Variants in SUPT20HL1 observed in about 807,000 individuals in gnomAD.
SUPT20HL1 encodes the protein transcription factor SPT20 homolog-like 1.
For synonymous variants in SUPT20HL1, 133 were observed against 79.2 expected (o/e 1.68, Z -3.61); for missense variants, 277 against 200.3 (o/e 1.38, Z -2.31).
rs761448853 is a variant in SUPT20HL1 at position 24,365,472 on chromosome X, C to G, written c.*48C>G. On this transcript the variant is annotated 3_prime_UTR_variant, in exon 1 of 1. Coordinates refer to ENST00000686983, the MANE Select transcript of SUPT20HL1 (RefSeq NM_001136234.3). ...TTTTAAAAGCACAGGAGCATTGACT[C>G]AAATGATTTCCCAGTTTTTACTTGA... The G allele has an allele frequency of 3.0e-6, 1 of 329,184 alleles. No homozygotes were observed. Among genetic ancestry groups the G allele is most frequent in the Non-Finnish European group, 6.0e-6 (1 of 166,349 alleles). The allele number at this position is 329,184 out of a possible 1,213,427, so 27.1% of individuals were successfully genotyped here.
Position 24,362,650 on chromosome X carries a change from G to A in SUPT20HL1, c.-111G>A, listed in dbSNP as rs1449473826. ...AGATGCCCACGTTGAACTCAGTGTG[G>A]ACTTGTGGCATCTTGCGGGCCTGTA... On this transcript the variant is annotated 5_prime_UTR_variant, in exon 1 of 1. The change creates a premature stop within an existing upstream ORF in the 5' untranslated region. Transcript: ENST00000686983. 1 of 363,179 alleles carries A rather than the reference G, an allele frequency of 2.8e-6. No homozygotes were observed. Among genetic ancestry groups the A allele is most frequent in the East Asian group, 7.7e-5 (1 of 13,050 alleles). 29.9% of individuals were successfully genotyped at this position (363,179 alleles called of 1,213,427 possible). A position where few individuals can be genotyped will look rare whatever the true frequency, so the allele number is the denominator to read the frequency against.
rs749572281 is a variant in SUPT20HL1, at chrX:24,364,601, A to T, written c.1841A>T (p.Glu614Val). 2.1e-5 allele frequency: 11 copies of T among 516,898 alleles called. No individual in the cohort carries two copies. The East Asian group carries it at 4.4e-4, about 21-fold the overall frequency. The allele number at this position is 516,898 out of a possible 1,213,427, so 42.6% of individuals were successfully genotyped here. ...GSTGLKAINV[E>V]GPVQGAQALG... ...ACTGGCCTAAAGGCCATCAATGTGG[A>T]GGGCCCAGTCCAGGGAGCCCAGGCT... Residue 614 changes from glutamate (E) to valine (V), a missense_variant, in exon 1 of 1, where the codon GAG becomes GTG. Glu to Val is a moderately radical substitution (Grantham distance 121). Transcript: ENST00000686983.
Position 24,363,317 on chromosome X carries a change from A to G in SUPT20HL1, c.557A>G (p.Gln186Arg). Residue 186 changes from glutamine (Q) to arginine (R), a missense_variant, in exon 1 of 1, where the codon CAG (glutamine) becomes CGG (arginine). Transcript: ENST00000686983. ...HDVKMMTRDG[Q>R]KWSQEDKLQL... ...GTGAAGATGATGACAAGAGATGGCC[A>G]GAAATGGAGCCAGGAAGACAAGCTT... The G allele has an allele frequency of 5.2e-6, 2 of 387,524 alleles. No homozygotes were observed. The highest frequency in any genetic ancestry group is 4.7e-5 in the South Asian group (2 of 42,879). The allele number at this position is 387,524 out of a possible 1,213,427, so 31.9% of individuals were successfully genotyped here. A position where few individuals can be genotyped will look rare whatever the true frequency, so the allele number is the denominator to read the frequency against.
chrX:24,364,300 G>GCTGCTGCTGCTGCTC lies in SUPT20HL1; in HGVS notation c.1551_1552insGCTCCTGCTGCTGCT (p.Ala517_Pro518insAlaProAlaAlaAla), dbSNP rs1569203558. ...TGCTGCTGCTGCTGCTGCTGCTGCTGCTGCTGCTGCTCCTGCTCCTGCTCT... is the reference window on the plus strand; with the variant it reads ...TGCTGCTGCTGCTGCTGCTGCTGCTGCTGCTGCTGCTGCTCCTGCTGCTGCTCCTGCTCCTGCTCT... On this transcript the variant is annotated inframe_insertion, in exon 1 of 1. Transcript: ENST00000686983. The GCTGCTGCTGCTGCTC allele has an allele frequency of 4.2e-6, 4 of 960,530 alleles. No individual in the cohort carries two copies. The East Asian group carries it at 1.0e-4, about 25-fold the overall frequency. The allele number at this position is 960,530 out of a possible 1,213,427, so 79.2% of individuals were successfully genotyped here.
chrX:24,364,400 C>T lies in SUPT20HL1; in HGVS notation c.1640C>T (p.Ala547Val), dbSNP rs1367338527. The T allele has an allele frequency of 8.4e-6, 5 of 597,114 alleles. No individual in the cohort carries two copies. The highest frequency in any genetic ancestry group is 2.3e-5 in the African/African-American group (1 of 43,574). 49.2% of individuals were successfully genotyped at this position (597,114 alleles called of 1,213,427 possible). A position where few individuals can be genotyped will look rare whatever the true frequency, so the allele number is the denominator to read the frequency against. Residue 547 changes from alanine to valine, a missense_variant, in exon 1 of 1, where the codon GCT becomes GTT. Coordinates refer to ENST00000686983, the MANE Select transcript of SUPT20HL1 (RefSeq NM_001136234.3). ...ALAAAAAPAP[A>V]PAAAPAVAAA... is the part of the protein sequence containing the mutation. The stretch of plus-strand genomic sequence containing the variant: ...GCTGCTGCTGCTGCTCCTGCTCCTG[C>T]TCCTGCCGCTGCTCCTGCTGTAGCT...
rs958273562 is a variant in SUPT20HL1 at position 24,362,434 on chromosome X, G to A, written c.-327G>A. Reference sequence around the variant, plus strand: ...GAAACCCTCAAACAGATTGGGTAGCGCTTCCCTGGGGGCAGGTTTCTGGGC... The same window carrying A: ...GAAACCCTCAAACAGATTGGGTAGCACTTCCCTGGGGGCAGGTTTCTGGGC... On this transcript the variant is annotated 5_prime_UTR_variant, in exon 1 of 1. Coordinates refer to ENST00000686983, the MANE Select transcript of SUPT20HL1 (RefSeq NM_001136234.3). Among the ~76,000 whole-genome samples the A allele has an allele frequency of 5.4e-5, 6 of 111,735 alleles. No individual in the cohort carries two copies. The highest frequency in any genetic ancestry group is 3.8e-4 in the South Asian group (1 of 2,621).
chrX:24,364,303 G>GCTGCTGCTGCTGCTGCTC lies in SUPT20HL1; in HGVS notation c.1551_1552insGCTGCTGCTCCTGCTGCT (p.Ala517_Pro518insAlaAlaAlaProAlaAla). The GCTGCTGCTGCTGCTGCTC allele has an allele frequency of 3.1e-6, 3 of 955,131 alleles. No homozygotes were observed. In the East Asian group the frequency reaches 1.0e-4, roughly 33 times the overall value. The allele number at this position is 955,131 out of a possible 1,213,427, so 78.7% of individuals were successfully genotyped here. ...TGCTGCTGCTGCTGCTGCTGCTGCT[G>GCTGCTGCTGCTGCTGCTC]CTGCTGCTCCTGCTCCTGCTCTAGC... On this transcript the variant is annotated inframe_insertion, in exon 1 of 1. Transcript: ENST00000686983.
chrX:24,362,697 T>G lies in SUPT20HL1; in HGVS notation c.-64T>G, dbSNP rs1288070939. On this transcript the variant is annotated 5_prime_UTR_variant, in exon 1 of 1. In the 5' UTR this introduces an upstream ATG that the reference lacks. Coordinates refer to ENST00000686983, the MANE Select transcript of SUPT20HL1 (RefSeq NM_001136234.3). ...TGTAGATTAATATGACAGCCGTGAT[T>G]CCACCCTGCTTCACCAACGCACATG... 1 of 341,032 alleles carries G rather than the reference T, an allele frequency of 2.9e-6. No individual in the cohort carries two copies. Among genetic ancestry groups the G allele is most frequent in the African/African-American group, 2.6e-5 (1 of 37,848 alleles). The allele number at this position is 341,032 out of a possible 1,213,427, so 28.1% of individuals were successfully genotyped here. A position where few individuals can be genotyped will look rare whatever the true frequency, so the allele number is the denominator to read the frequency against.
In SUPT20HL1 at chrX:24,364,973, C is replaced by A. The variant is rs1239507187; in HGVS notation, c.2213C>A (p.Ala738Asp). 1 of 385,656 alleles carries A rather than the reference C, an allele frequency of 2.6e-6. No homozygotes were observed. 31.8% of individuals were successfully genotyped at this position (385,656 alleles called of 1,213,427 possible). The change falls in exon 1 of 1, where the codon GCC becomes GAC. Residue 738 changes from alanine to aspartate, a missense_variant. Ala to Asp is a moderately radical substitution (Grantham distance 126). Transcript: ENST00000686983. The stretch of plus-strand genomic sequence containing the variant: ...CTAGGTTTGAGCACGCAAGGGCAGG[C>A]CTTCCCTGCTCAGCAACTTCTTAAG... ...SALGLSTQGQ[A>D]FPAQQLLKVN...
In SUPT20HL1 at chrX:24,365,983, A is replaced by C. The variant is rs908514477; in HGVS notation, c.*559A>C. Among the ~76,000 whole-genome samples, 1 of 111,572 alleles carries C rather than the reference A, an allele frequency of 9.0e-6. No homozygotes were observed. Among genetic ancestry groups the C allele is most frequent in the Non-Finnish European group, 1.9e-5 (1 of 53,140 alleles). On this transcript the variant is annotated 3_prime_UTR_variant, in exon 1 of 1. Coordinates refer to ENST00000686983, the MANE Select transcript of SUPT20HL1 (RefSeq NM_001136234.3). ...ACACTGAAACTCATGCCCATTGAAC[A>C]GCAGCTCCCCATTCTCCCTTGCCCA... is the stretch of plus-strand genomic sequence containing the variant.
chrX:24,362,324 T>C lies in SUPT20HL1; in HGVS notation c.-437T>C, dbSNP rs1439850195. ...ATAGACGGGGCCCAGGAGCTGACCCTGGCCCTCCCGTTCGCTTCCGGTGTA... is the reference window on the plus strand; with the variant it reads ...ATAGACGGGGCCCAGGAGCTGACCCCGGCCCTCCCGTTCGCTTCCGGTGTA... On this transcript the variant is annotated 5_prime_UTR_variant, in exon 1 of 1. Transcript: ENST00000686983. Among the ~76,000 whole-genome samples the C allele has an allele frequency of 8.9e-6, 1 of 112,295 alleles. No individual in the cohort carries two copies. Among genetic ancestry groups the C allele is most frequent in the Admixed American group, 9.3e-5 (1 of 10,705 alleles).
rs1005209290 is a variant in SUPT20HL1 at position 24,367,640 on chromosome X, G to T, written c.*2216G>T. Among the ~76,000 whole-genome samples the T allele has an allele frequency of 8.9e-6, 1 of 112,331 alleles. No homozygotes were observed. The highest frequency in any genetic ancestry group is 1.9e-5 in the Non-Finnish European group (1 of 53,243). On this transcript the variant is annotated 3_prime_UTR_variant, in exon 1 of 1. Coordinates refer to ENST00000686983, the MANE Select transcript of SUPT20HL1 (RefSeq NM_001136234.3). ...AAGAAGCGAACCAGTGCAACGACTG[G>T]TTGCAAAGAAGAGTTTCTCCTTAGC...
In SUPT20HL1 at chrX:24,365,496, G is replaced by A; in HGVS notation, c.*72G>A. 1 of 313,622 alleles carries A rather than the reference G, an allele frequency of 3.2e-6. No individual in the cohort carries two copies. Among genetic ancestry groups the A allele is most frequent in the East Asian group, 7.9e-5 (1 of 12,613 alleles). The allele number at this position is 313,622 out of a possible 1,213,427, so 25.8% of individuals were successfully genotyped here. ...TCAAATGATTTCCCAGTTTTTACTT[G>A]AGTTTTGTTTTTTTTTTCATGTTTC... On this transcript the variant is annotated 3_prime_UTR_variant, in exon 1 of 1. Transcript: ENST00000686983.
rs2148149297 is a variant in SUPT20HL1, at chrX:24,362,024, A to G, written c.-737A>G. Among the ~76,000 whole-genome samples the G allele has an allele frequency of 8.9e-6, 1 of 112,523 alleles. No individual in the cohort carries two copies. The highest frequency in any genetic ancestry group is 3.7e-4 in the South Asian group (1 of 2,705). ...GGCAAGAGATTCCAAAAGTGCCAAC[A>G]ATTGTTGAAGTTTCCACCAAGATCA... is the stretch of plus-strand genomic sequence containing the variant. On this transcript the variant is annotated 5_prime_UTR_variant, in exon 1 of 1. Transcript: ENST00000686983.
In SUPT20HL1 at chrX:24,365,570, T is replaced by C; in HGVS notation, c.*146T>C. On this transcript the variant is annotated 3_prime_UTR_variant, in exon 1 of 1. Transcript: ENST00000686983. ...CAGTTTACACAGAAGCACAATCCAC[T>C]GATTTTTCTTTAGAAACGGAAGTGA... The C allele has an allele frequency of 4.1e-6, 1 of 246,501 alleles. No individual in the cohort carries two copies. The highest frequency in any genetic ancestry group is 7.9e-6 in the Non-Finnish European group (1 of 127,039). The allele number at this position is 246,501 out of a possible 1,213,427, so 20.3% of individuals were successfully genotyped here. A position where few individuals can be genotyped will look rare whatever the true frequency, so the allele number is the denominator to read the frequency against.
rs189870903 is a variant in SUPT20HL1, at chrX:24,361,016, G to A, written c.-1745G>A. ...TGTCCTCAGTCTATGAGAAAGAAAA[G>A]TGGATGAATAAATACCCCAGCTTCC... On this transcript the variant is annotated 5_prime_UTR_variant, in exon 1 of 1. The change creates a new upstream start codon in the 5' untranslated region. Transcript: ENST00000686983. Among the ~76,000 whole-genome samples the A allele has an allele frequency of 8.9e-6, 1 of 112,521 alleles. No individual in the cohort carries two copies. Among genetic ancestry groups the A allele is most frequent in the East Asian group, 2.8e-4 (1 of 3,567 alleles).
rs1177977234 is a variant in SUPT20HL1 at position 24,365,536 on chromosome X, T to C, written c.*112T>C. ...TTTCATGTTTCGGTATTTTACATTT[T>C]AAAGTACACAGTTTACACAGAAGCA... On this transcript the variant is annotated 3_prime_UTR_variant, in exon 1 of 1. Coordinates refer to ENST00000686983, the MANE Select transcript of SUPT20HL1 (RefSeq NM_001136234.3). 1.1e-5 allele frequency: 3 copies of C among 280,535 alleles called. No homozygotes were observed. The highest frequency in any genetic ancestry group is 2.1e-5 in the Non-Finnish European group (3 of 142,995). 23.1% of individuals were successfully genotyped at this position (280,535 alleles called of 1,213,427 possible).
chrX:24,364,883 C>T lies in SUPT20HL1; in HGVS notation c.2123C>T (p.Ser708Phe), dbSNP rs749054675. ...CAGCAGCAGTCCCATCAGCTGGTTTCCCTGCAGCAGCTCCAGCAGCCCACA... is the reference window on the plus strand; with the variant it reads ...CAGCAGCAGTCCCATCAGCTGGTTTTCCTGCAGCAGCTCCAGCAGCCCACA... ...GPQQQSHQLVSLQQLQQPTAA... is the reference protein window; with the variant it reads ...GPQQQSHQLVFLQQLQQPTAA... The change falls in exon 1 of 1, where the codon TCC (serine) becomes TTC (phenylalanine). Residue 708 changes from serine to phenylalanine, a missense_variant. Ser to Phe is a radical substitution (Grantham distance 155, BLOSUM62 -2). Coordinates refer to ENST00000686983, the MANE Select transcript of SUPT20HL1 (RefSeq NM_001136234.3). 1 of 387,681 alleles carries T rather than the reference C, an allele frequency of 2.6e-6. No homozygotes were observed. The highest frequency in any genetic ancestry group is 2.5e-5 in the Admixed American group (1 of 39,696). The allele number at this position is 387,681 out of a possible 1,213,427, so 31.9% of individuals were successfully genotyped here.
chrX:24,364,300 GCTGCTGCTGCTC>G lies in SUPT20HL1; in HGVS notation c.1546_1557del (p.Ala516_Ala519del), dbSNP rs776223470. 1.0e-6 allele frequency: 1 copy of G among 960,429 alleles called. No individual in the cohort carries two copies. The allele number at this position is 960,429 out of a possible 1,213,427, so 79.2% of individuals were successfully genotyped here. A position where few individuals can be genotyped will look rare whatever the true frequency, so the allele number is the denominator to read the frequency against. ...TGCTGCTGCTGCTGCTGCTGCTGCT[GCTGCTGCTGCTC>G]CTGCTCCTGCTCTAGCTGCTGCTGC... On this transcript the variant is annotated inframe_deletion, in exon 1 of 1. Transcript: ENST00000686983.
Sources: allele counts gnomAD v4.1 joint callset (sites outside exome capture counted in the v4.1 genomes callset), GRCh38; gene constraint gnomAD v4.1.1; transcripts MANE v1.5; gene names NCBI Gene and HGNC (gene_info 2026-07-23, HGNC 2026-07-21).